The following TRIM22 variants were observed in gnomAD, a reference collection of about 807,000 sequenced individuals.
TRIM22 encodes tripartite motif containing 22, also known as E3 ubiquitin-protein ligase TRIM22.
Under a neutral mutation model 53.6 loss-of-function variants are expected in TRIM22, and 45 were observed. The ratio of observed to expected loss-of-function variants is 0.84; its 90% confidence interval spans 0.66 to 1.08. The LOEUF (loss-of-function observed/expected upper bound fraction) is 1.08. Ranked by LOEUF, TRIM22 falls within the 50% of genes least tolerant of loss-of-function variation. The pLI, the probability that TRIM22 is intolerant of heterozygous loss-of-function variation, is 0.00. For missense variants in TRIM22, 616 were observed against 590.9 expected (o/e 1.04, Z -0.44); for synonymous variants, 225 against 216.6 (o/e 1.04, Z -0.34).
At chr11:5,699,036 GT>G (rs1325283499) in intron 4 of TRIM22, among the ~76,000 whole-genome samples, 1 of 152,150 alleles carries the variant, frequency 6.6e-6, no homozygotes. Context: ...ATTGCAGTAT[GT>G]ATCAGCATTT....
At chr11:5,707,573 G>A (rs534647420) in intron 5 of TRIM22, among the ~76,000 whole-genome samples, 1 of 152,284 alleles carries the variant, frequency 6.6e-6, no homozygotes, top group African/African-American at 2.4e-5. Flanking sequence ...ACTTTGGGAA[G>A]CCGAGGCAGG....
chr11:5,706,966 A>G (rs1445495573), intron 5 of TRIM22, among the ~76,000 whole-genome samples: 2 of 152,006 alleles, frequency 1.3e-5, no homozygotes, highest in African/African-American at 4.8e-5. Context: ...CAGACTCCAA[A>G]TTTTTCAGAG....
In TRIM22 at chr11:5,698,520, G is replaced by C. The variant is rs1063303; in HGVS notation, c.725G>C (p.Arg242Thr). The C allele has an allele frequency of 0.54, 875,807 of 1,612,768 alleles. 244,870 individuals are homozygous for C. The highest frequency in any genetic ancestry group is 0.57 in the Non-Finnish European group (675,548 of 1,179,246). Residue 242 changes from arginine (R) to threonine (T), a missense_variant, in exon 4 of 8, where the codon AGG becomes ACG. Arg to Thr is a moderately conservative substitution (Grantham distance 71). Transcript: ENST00000379965. ...TLISDLQRRLRGSSVEMLQDV... is the reference protein window; with the variant it reads ...TLISDLQRRLTGSSVEMLQDV... ...ATCTCAGATCTCCAGCGGAGGTTGA[G>C]GGGATCGTCAGTAGAGATGCTGCAG...
Position 5,709,310 on chromosome 11 carries a change from G to C in TRIM22, c.1159G>C (p.Ala387Pro), listed in dbSNP as rs1853518128. Residue 387 changes from alanine to proline, a missense_variant, in exon 8 of 8, where the codon GCT becomes CCT. By Grantham distance (27) the Ala-to-Pro change is conservative. Transcript: ENST00000379965. Reference sequence around the variant, plus strand: ...GAATAAAAGGAAGAGCTCTGGGTTTGCTTTTGATCCAAGTGTAAATTATTC... The same window carrying C: ...GAATAAAAGGAAGAGCTCTGGGTTTCCTTTTGATCCAAGTGTAAATTATTC... ...SLNKRKSSGF[A>P]FDPSVNYSKV... The C allele has an allele frequency of 6.2e-7, 1 of 1,613,860 alleles. No homozygotes were observed. The highest frequency in any genetic ancestry group is 8.5e-7 in the Non-Finnish European group (1 of 1,180,000).
At chr11:5,690,473 G>C (rs1853155565) in intron 1 of TRIM22, among the ~76,000 whole-genome samples, 1 of 152,188 alleles carries the variant, frequency 6.6e-6, no homozygotes, top group African/African-American at 2.4e-5. Flanking sequence ...GAAGGGGTGT[G>C]TGTGATGAGC....
intron 1 of TRIM22, chr11:5,690,880 G>A (rs1388658677): frequency 6.6e-6 from 1 of 152,252 alleles, no homozygotes; most frequent in African/African-American, 2.4e-5. Flanking sequence ...GGTATGAGGC[G>A]AAGGAGTCTT....
chr11:5,698,524 A>G lies in TRIM22; in HGVS notation c.729A>G (p.Gly243=). 1 of 1,613,506 alleles carries G rather than the reference A, an allele frequency of 6.2e-7. No individual in the cohort carries two copies. The highest frequency in any genetic ancestry group is 2.2e-5 in the East Asian group (1 of 44,862). ...CAGATCTCCAGCGGAGGTTGAGGGG[A>G]TCGTCAGTAGAGATGCTGCAGGTAA... is the stretch of plus-strand genomic sequence containing the variant. ...LISDLQRRLR[G]SSVEMLQDVI... Residue 243 remains glycine (G), a synonymous_variant, in exon 4 of 8, where the codon GGA becomes GGG. Coordinates refer to ENST00000379965, the MANE Select transcript of TRIM22 (RefSeq NM_006074.5).
intron 4 of TRIM22, among the ~76,000 whole-genome samples, chr11:5,699,739 T>C (rs1290253858): frequency 1.3e-5 from 2 of 150,776 alleles, no homozygotes; most frequent in Non-Finnish European, 3.0e-5. Context: ...TTTTTTTTTT[T>C]TTAGTTACAG....
In TRIM22 at chr11:5,709,393, T is replaced by C. The variant is rs1488419124; in HGVS notation, c.1242T>C (p.Asn414=). ...QYGYWVIGLQ[N]TCEYNAFEDS... ...GCTACTGGGTTATAGGATTACAGAA[T>C]ACATGTGAATATAATGCTTTTGAGG... The change falls in exon 8 of 8, where the codon AAT becomes AAC. Residue 414 remains asparagine, a synonymous_variant. Coordinates refer to ENST00000379965, the MANE Select transcript of TRIM22 (RefSeq NM_006074.5). The C allele has an allele frequency of 3.1e-6, 5 of 1,614,096 alleles. No individual in the cohort carries two copies. The highest frequency in any genetic ancestry group is 2.2e-5 in the East Asian group (1 of 44,906).
intron 2 of TRIM22, 24 bp downstream of exon 2, chr11:5,696,679 G>A (rs1442473305): frequency 4.4e-6 from 7 of 1,581,938 alleles, no homozygotes; most frequent in Non-Finnish European, 5.1e-6. Context: ...TAGAGGAAGA[G>A]AGAGCAGAGA....
rs1326372386 is a variant in TRIM22 at position 5,702,148 on chromosome 11, ATATATATTAGT to A, written c.750+3613_750+3623del. Among the ~76,000 whole-genome samples, 43 of 145,892 alleles carry A rather than the reference ATATATATTAGT, an allele frequency of 2.9e-4. No homozygotes were observed. The East Asian group carries it at 7.2e-3, about 25-fold the overall frequency. On this transcript the variant is annotated intron_variant, in intron 4 of 7. Transcript: ENST00000379965. ...GTTATATATTACATATACATAACGA[ATATATATTAGT>A]TATATATTACATATACATAACTAAT...
At chr11:5,701,003 A>G (rs1267563326) in intron 4 of TRIM22, among the ~76,000 whole-genome samples, 3 of 152,182 alleles carry the variant, frequency 2.0e-5, no homozygotes, top group Non-Finnish European at 4.4e-5. Flanking sequence ...GGGAGATTAC[A>G]TTAATAATTT....
At chr11:5,699,428 G>T (rs1252476407) in intron 4 of TRIM22, among the ~76,000 whole-genome samples, 1 of 142,966 alleles carries the variant, frequency 7.0e-6, no homozygotes, top group Non-Finnish European at 1.5e-5. Flanking sequence ...GGAGGCTGAG[G>T]CAGGAGAATG....
chr11:5,698,779 G>C lies in TRIM22; in HGVS notation c.750+234G>C, dbSNP rs138670253. On this transcript the variant is annotated intron_variant, in intron 4 of 7. Transcript: ENST00000379965. ...ACTTATGAGAGCAGTGTAAAAATTT[G>C]AGCTTGGAGAGGATTCTTTGTACCA... is the stretch of plus-strand genomic sequence containing the variant. 3.3e-5 allele frequency among the ~76,000 whole-genome samples: 5 copies of C among 152,282 alleles called. No individual in the cohort carries two copies. The East Asian group carries it at 9.7e-4, about 29-fold the overall frequency.
rs942732979 is a variant in TRIM22 at position 5,699,068 on chromosome 11, T to C, written c.750+523T>C. On this transcript the variant is annotated intron_variant, in intron 4 of 7. Transcript: ENST00000379965. ...CATTTTGCTCTTATTGCTAATACTA[T>C]TCCATTATCTGAATATATCATATTA... 1.7e-4 allele frequency among the ~76,000 whole-genome samples: 26 copies of C among 152,254 alleles called. 1 individual carries two copies. Among genetic ancestry groups the C allele is most frequent in the African/African-American group, 6.3e-4 (26 of 41,472 alleles).
Position 5,708,263 on chromosome 11 carries a change from A to G in TRIM22, c.864A>G (p.Gln288=), listed in dbSNP as rs1247695534. Residue 288 remains glutamine, a synonymous_variant, in exon 6 of 8, where the codon CAA becomes CAG. Coordinates refer to ENST00000379965, the MANE Select transcript of TRIM22 (RefSeq NM_006074.5). ...TACCAGATCTGAGTGGGATGCTGCA[A>G]GTTCTTAAAGGTAAGGGGATTCAGG... is the stretch of plus-strand genomic sequence containing the variant. The part of the protein sequence containing the change: ...FRVPDLSGML[Q]VLKELTDVQY... The G allele has an allele frequency of 6.2e-7, 1 of 1,613,678 alleles. No homozygotes were observed. Among genetic ancestry groups the G allele is most frequent in the African/African-American group, 1.3e-5 (1 of 75,042 alleles).
rs1290603474 is a variant in TRIM22, at chr11:5,710,578, A to G, written c.*930A>G. 2.6e-5 allele frequency: 4 copies of G among 152,198 alleles called. No individual in the cohort carries two copies. Among genetic ancestry groups the G allele is most frequent in the African/African-American group, 7.2e-5 (3 of 41,450 alleles). 9.4% of individuals were successfully genotyped at this position (152,198 alleles called of 1,614,324 possible). ...CTCAGAGTTTCTGAGGTCAAATTTTATCTTTTCACTTACAAGCTCTATGAT... is the reference window on the plus strand; with the variant it reads ...CTCAGAGTTTCTGAGGTCAAATTTTGTCTTTTCACTTACAAGCTCTATGAT... On this transcript the variant is annotated 3_prime_UTR_variant, in exon 8 of 8. Transcript: ENST00000379965.
intron 5 of TRIM22, among the ~76,000 whole-genome samples, chr11:5,707,683 G>C (rs1238270075): frequency 6.6e-6 from 1 of 151,916 alleles, no homozygotes; most frequent in African/African-American, 2.4e-5. Flanking sequence ...GTGGTAGCAG[G>C]CACCTGTAAT....
In TRIM22 at chr11:5,710,434, C is replaced by T. The variant is rs974355277; in HGVS notation, c.*786C>T. 4.6e-5 allele frequency: 7 copies of T among 152,174 alleles called. No individual in the cohort carries two copies. Among genetic ancestry groups the T allele is most frequent in the Admixed American group, 3.3e-4 (5 of 15,272 alleles). 9.4% of individuals were successfully genotyped at this position (152,174 alleles called of 1,614,324 possible). Reference sequence around the variant, plus strand: ...GTTATCTAGCAAAGTACATAAGAATCTATCACTAAGTAATGTATCCTTCAG... The same window carrying T: ...GTTATCTAGCAAAGTACATAAGAATTTATCACTAAGTAATGTATCCTTCAG... On this transcript the variant is annotated 3_prime_UTR_variant, in exon 8 of 8. Transcript: ENST00000379965.
Sources: allele counts gnomAD v4.1 joint callset (sites outside exome capture counted in the v4.1 genomes callset), GRCh38; gene constraint gnomAD v4.1.1; transcripts MANE v1.5; gene names NCBI Gene and HGNC (gene_info 2026-07-23, HGNC 2026-07-21).